The following ME2 variants were observed in gnomAD, a reference collection of about 807,000 sequenced individuals.
ME2 encodes malic enzyme 2, also known as NAD-dependent malic enzyme, mitochondrial.
Under a neutral mutation model 73.7 loss-of-function variants are expected in ME2, and 60 were observed. The ratio of observed to expected loss-of-function variants is 0.81; its 90% CI spans 0.66 to 1.01. The LOEUF is 1.01. Ranked by LOEUF, ME2 falls within the 50% of genes least tolerant of loss-of-function variation. ME2 has a pLI of 0.00. For synonymous variants in ME2, 199 were observed against 236.9 expected, an observed-to-expected ratio of 0.84 and a Z score of 1.47; for missense variants, 594 against 705.5, an observed-to-expected ratio of 0.84 and a Z score of 1.79.
rs894096956 is a variant in ME2 at position 50,951,533 on chromosome 18, A to G, written c.*4349A>G. ...ATATTCTTTTCTCCTCTCTTCTTTGACGTGTTACGTTGTCTTTTTTTTTTT... is the reference window on the plus strand; with the variant it reads ...ATATTCTTTTCTCCTCTCTTCTTTGGCGTGTTACGTTGTCTTTTTTTTTTT... On this transcript the variant is annotated 3_prime_UTR_variant, in exon 16 of 16. Transcript: ENST00000321341. The G allele has an allele frequency of 2.8e-5, 4 of 142,240 alleles. No individual in the cohort carries two copies. Among genetic ancestry groups the G allele is most frequent in the Non-Finnish European group, 6.0e-5 (4 of 66,132 alleles). The allele number at this position is 142,240 out of a possible 1,614,324, so 8.8% of individuals were successfully genotyped here.
chr18:50,941,841 A>G (rs1006904675), intron 15 of ME2, among the ~76,000 whole-genome samples: 1 of 151,856 alleles, frequency 6.6e-6, no homozygotes, highest in African/African-American at 2.4e-5. Flanking sequence ...ACTTTTTCCA[A>G]TACTTAGAAT....
intron 2 of ME2, among the ~76,000 whole-genome samples, chr18:50,898,414 A>C (rs866526967): frequency 2.0e-5 from 3 of 152,070 alleles, no homozygotes; most frequent in African/African-American, 7.2e-5. Flanking sequence ...TCCCAAGTAG[A>C]AACCTAGTAT....
chr18:50,937,781 A>C (rs1247290461), intron 13 of ME2, among the ~76,000 whole-genome samples: 1 of 152,180 alleles, frequency 6.6e-6, no homozygotes. Context: ...AAGAGAGCAA[A>C]GGACAGGAGA....
rs76720815 is a variant in ME2, at chr18:50,930,397, A to T, written c.1315-1861A>T. ...TTTTTAGTCCCATTTTGTTTTCACC[A>T]GGGAGGTGTTACTCCAACACCGTTT... On this transcript the variant is annotated intron_variant, in intron 12 of 15. Transcript: ENST00000321341. Among the ~76,000 whole-genome samples the T allele has an allele frequency of 6.2e-3, 940 of 152,304 alleles. 12 individuals carry two copies. The highest frequency in any genetic ancestry group is 0.022 in the African/African-American group (908 of 41,576).
rs368161371 is a variant in ME2, at chr18:50,927,721, CATATATATAT to C, written c.1314+1845_1314+1854del. ...CATCTCAAAAAAAACCCCAAAAAAC[CATATATATAT>C]ATATATATATATATATATATACACA... On this transcript the variant is annotated intron_variant, in intron 12 of 15. Transcript: ENST00000321341. 4.3e-4 allele frequency among the ~76,000 whole-genome samples: 37 copies of C among 85,450 alleles called. 1 individual carries two copies. Among genetic ancestry groups the C allele is most frequent in the African/African-American group, 1.1e-3 (24 of 21,220 alleles). The allele number at this position is 85,450 out of a possible 152,430, so 56.1% of individuals were successfully genotyped here.
intron 13 of ME2, chr18:50,933,141 C>T (rs977674930): frequency 2.6e-5 from 4 of 152,136 alleles, no homozygotes; most frequent in Non-Finnish European, 2.9e-5. Context: ...ACTCATTGAG[C>T]TTTTTCTGGA....
At chr18:50,913,685 A>G (rs1917212220) in intron 4 of ME2, among the ~76,000 whole-genome samples, 1 of 152,040 alleles carries the variant, frequency 6.6e-6, no homozygotes, top group Non-Finnish European at 1.5e-5. Flanking sequence ...AGCACCTACA[A>G]ACATTATAAG....
chr18:50,906,088 A>C (rs1286385208), intron 2 of ME2, among the ~76,000 whole-genome samples: 1 of 151,946 alleles, frequency 6.6e-6, no homozygotes, highest in Non-Finnish European at 1.5e-5. Context: ...ACTTTCCTTT[A>C]GTTCTTTAGA....
chr18:50,937,321 G>A (rs1250068327), intron 13 of ME2, among the ~76,000 whole-genome samples: 2 of 152,156 alleles, frequency 1.3e-5, no homozygotes, highest in Non-Finnish European at 1.5e-5. Flanking sequence ...TCTTTGAATA[G>A]AGTAAAACAG....
chr18:50,936,494 T>C (rs1156749357), intron 13 of ME2, among the ~76,000 whole-genome samples: 5 of 152,204 alleles, frequency 3.3e-5, no homozygotes, highest in Non-Finnish European at 7.3e-5. Context: ...GTTGTTTATA[T>C]AGAGTGAAAC....
chr18:50,909,954 A>G (rs8082890), intron 3 of ME2, among the ~76,000 whole-genome samples: 2,665 of 152,282 alleles, frequency 0.018, 78 homozygotes, highest in African/African-American at 0.059. Flanking sequence ...ATAAATACAG[A>G]TAGTAAGGAT....
chr18:50,883,454 G>T (rs1191293167), intron 1 of ME2, among the ~76,000 whole-genome samples: 1 of 152,206 alleles, frequency 6.6e-6, no homozygotes, highest in Non-Finnish European at 1.5e-5. Context: ...ACCACCCAGA[G>T]GGTGAGTTCC....
chr18:50,885,748 T>C (rs1916446962), intron 1 of ME2, among the ~76,000 whole-genome samples: 1 of 152,098 alleles, frequency 6.6e-6, no homozygotes, highest in African/African-American at 2.4e-5. Flanking sequence ...TTTTTAAAAG[T>C]GTAGAAACAT....
intron 12 of ME2, among the ~76,000 whole-genome samples, chr18:50,928,649 T>C (rs1166070419): frequency 6.6e-6 from 1 of 152,338 alleles, no homozygotes; most frequent in Middle Eastern, 3.4e-3. Context: ...CTTTTTCAAG[T>C]AGATCGCCAT....
chr18:50,879,542 C>T (rs1007444538), intron 1 of ME2, among the ~76,000 whole-genome samples: 1 of 152,214 alleles, frequency 6.6e-6, no homozygotes, highest in Admixed American at 6.5e-5. Context: ...GCGGCCGCGG[C>T]TCTACCCGGC....
intron 1 of ME2, among the ~76,000 whole-genome samples, chr18:50,895,237 T>C (rs2144196151): frequency 7.9e-6 from 1 of 126,260 alleles, no homozygotes; most frequent in African/African-American, 2.6e-5. Flanking sequence ...CATTATTTTA[T>C]ATAAAGTAAT....
intron 12 of ME2, among the ~76,000 whole-genome samples, chr18:50,930,555 A>T (rs1917668394): frequency 6.6e-6 from 1 of 152,184 alleles, no homozygotes; most frequent in African/African-American, 2.4e-5. Context: ...TAAGCCATGG[A>T]TTAATTATTG....
chr18:50,899,048 A>C (rs1360598504), intron 2 of ME2, among the ~76,000 whole-genome samples: 5 of 152,166 alleles, frequency 3.3e-5, no homozygotes, highest in African/African-American at 9.7e-5. Context: ...GAGCAAGTGA[A>C]TCTTCATCTG....
At chr18:50,884,842 TTG>T (rs10599201) in intron 1 of ME2, among the ~76,000 whole-genome samples, 23,343 of 150,524 alleles carry the variant, frequency 0.16, 2,815 homozygotes, top group African/African-American at 0.34. Flanking sequence ...TTGTGTGTGT[TTG>T]TGTGTGTGTG....
Sources: allele counts gnomAD v4.1 joint callset (sites outside exome capture counted in the v4.1 genomes callset), GRCh38; gene constraint gnomAD v4.1.1; transcripts MANE v1.5; gene names NCBI Gene and HGNC (gene_info 2026-07-23, HGNC 2026-07-21).